The following TCTN3 variants were observed in gnomAD, a reference collection of about 807,000 sequenced individuals.
TCTN3 encodes tectonic-3.
In TCTN3, 57 loss-of-function variants were observed where a neutral mutation model predicts 71.3. That is an observed-to-expected ratio of 0.80 (90% CI 0.65 to 1.00). The LOEUF is 1.00. Among genes scored for constraint, TCTN3 ranks in the 50% least tolerant of loss-of-function variants. The probability of loss-of-function intolerance (pLI) is 0.00; values close to 1 mark genes in which losing one functional copy is unlikely to be tolerated. For missense variants in TCTN3, 696 were observed against 719.9 expected (o/e 0.97, Z 0.38); for synonymous variants, 258 against 267.8 (o/e 0.96, Z 0.36).
At chr10:95,665,931 A>G (rs1385508368) in intron 13 of TCTN3, among the ~76,000 whole-genome samples, 4 of 132,078 alleles carry the variant, frequency 3.0e-5, no homozygotes, top group East Asian at 4.4e-4. Context: ...CTTGCATTCA[A>G]ATTAATTCTG....
In TCTN3 at chr10:95,681,645, T is replaced by C. The variant is rs539182527; in HGVS notation, c.1452+1006A>G. On this transcript the variant is annotated intron_variant, in intron 12 of 13. Transcript: ENST00000371217. ...ATTAATTGCAAAATGCAGAAAGGCA[T>C]ATCATTCTATATGGTTTTGATTTTT... Among the ~76,000 whole-genome samples, 4 of 152,366 alleles carry C rather than the reference T, an allele frequency of 2.6e-5. No homozygotes were observed. The East Asian group carries it at 5.8e-4, about 22-fold the overall frequency.
At chr10:95,687,183 G>C (rs1050077181) in intron 5 of TCTN3, 24 bp from the exon 6 acceptor site, 2 of 1,612,064 alleles carry the variant, frequency 1.2e-6, no homozygotes. Flanking sequence ...AATTAAGAGA[G>C]TGGTAAATGA....
intron 11 of TCTN3, 31 bp downstream of exon 11, chr10:95,683,070 T>G: frequency 6.3e-7 from 1 of 1,582,508 alleles, no homozygotes; most frequent in South Asian, 1.1e-5. Context: ...TTCCCGAAAT[T>G]GCAGGAAATG....
intron 10 of TCTN3, 53 bp downstream of exon 10, chr10:95,683,469 T>C (rs1416028292): frequency 6.2e-7 from 1 of 1,613,970 alleles, no homozygotes; most frequent in Non-Finnish European, 8.5e-7. Context: ...TTGAAAGCCT[T>C]TGCAGCTTTT....
chr10:95,673,541 A>G (rs2097933791), intron 13 of TCTN3, among the ~76,000 whole-genome samples: 1 of 152,174 alleles, frequency 6.6e-6, no homozygotes, highest in Non-Finnish European at 1.5e-5. Flanking sequence ...CAATTGTTAA[A>G]AAAAAAGAAA....
Position 95,686,480 on chromosome 10 carries a change from A to G in TCTN3, c.888+15T>C. The stretch of plus-strand genomic sequence containing the variant: ...AATATTCTTTTTCTTTTTTCCTGGT[A>G]CAACAGCATCATACCTCCATATTCT... On this transcript the variant is annotated intron_variant, in intron 7 of 13. Coordinates refer to ENST00000371217, the MANE Select transcript of TCTN3 (RefSeq NM_015631.6). 4.3e-6 allele frequency: 7 copies of G among 1,613,604 alleles called. No individual in the cohort carries two copies. Among genetic ancestry groups the G allele is most frequent in the South Asian group, 1.1e-5 (1 of 90,966 alleles).
chr10:95,674,822 AGAAT>A lies in TCTN3; in HGVS notation c.1590+5646_1590+5649del, dbSNP rs10678463. Among the ~76,000 whole-genome samples the A allele has an allele frequency of 7.8e-3, 1,177 of 150,806 alleles. 12 individuals are homozygous for A. The highest frequency in any genetic ancestry group is 0.019 in the African/African-American group (772 of 41,054). On this transcript the variant is annotated intron_variant, in intron 13 of 13. Transcript: ENST00000371217. ...AGTGACAGAGCGAGACCCCATCTCT[AGAAT>A]GAATGAATGAATGAATGAATGAATG...
Position 95,685,575 on chromosome 10 carries a change from C to T in TCTN3, c.950G>A (p.Cys317Tyr), listed in dbSNP as rs1224958318. 6 of 1,551,272 alleles carry T rather than the reference C, an allele frequency of 3.9e-6. No homozygotes were observed. The highest frequency in any genetic ancestry group is 5.2e-6 in the Non-Finnish European group (6 of 1,146,826). ...CCCTACCTGAGAAACTACATTCTGA[C>T]AAGTGTTTCCAGCCAACAGAGGAGC... ...ANAPLLAGNT[C>Y]QNVVSQVTYE... The change falls in exon 8 of 14, where the codon TGT (cysteine) becomes TAT (tyrosine). Residue 317 changes from cysteine to tyrosine, a missense_variant. Cys to Tyr is a radical substitution (Grantham distance 194). Transcript: ENST00000371217.
intron 13 of TCTN3, among the ~76,000 whole-genome samples, chr10:95,667,807 G>T (rs2097927078): frequency 6.6e-6 from 1 of 152,174 alleles, no homozygotes; most frequent in Non-Finnish European, 1.5e-5. Context: ...AAGACATAAA[G>T]ATACTAACTG....
At chr10:95,664,933 T>G (rs573866805) in intron 13 of TCTN3, among the ~76,000 whole-genome samples, 2 of 152,192 alleles carry the variant, frequency 1.3e-5, no homozygotes, top group Non-Finnish European at 2.9e-5. Flanking sequence ...ACAAGCAAAC[T>G]TTTGATTATA....
intron 13 of TCTN3, among the ~76,000 whole-genome samples, chr10:95,676,705 TTTCTC>T (rs1164965488): frequency 6.6e-6 from 1 of 152,224 alleles, no homozygotes; most frequent in Non-Finnish European, 1.5e-5. Context: ...AATACCTGCT[TTTCTC>T]TTTTCTGTTT....
chr10:95,670,887 T>A (rs763301160), intron 13 of TCTN3, among the ~76,000 whole-genome samples: 5 of 151,844 alleles, frequency 3.3e-5, no homozygotes, highest in Non-Finnish European at 7.4e-5. Context: ...GGTCTCGAAT[T>A]CCTAGGCTCA....
intron 2 of TCTN3, 143 bp from the exon 3 acceptor site, chr10:95,693,181 G>C: frequency 8.0e-7 from 1 of 1,249,044 alleles, no homozygotes. Flanking sequence ...TATTCTACTG[G>C]CCAGCCCTGC....
chr10:95,668,615 T>A (rs1041348297), intron 13 of TCTN3, among the ~76,000 whole-genome samples: 19 of 150,778 alleles, frequency 1.3e-4, no homozygotes, highest in Non-Finnish European at 2.7e-4. Context: ...CAATGTGAAC[T>A]AAAGAAAAAA....
chr10:95,693,505 G>A, intron 1 of TCTN3, 29 bp from the exon 2 acceptor site: 3 of 1,551,982 alleles, frequency 1.9e-6, no homozygotes, highest in Non-Finnish European at 2.6e-6. Flanking sequence ...GAGTGAGTGG[G>A]ATGAAGATCC....
At chr10:95,683,398 A>G in intron 10 of TCTN3, 124 bp downstream of exon 10, 4 of 1,552,168 alleles carry the variant, frequency 2.6e-6, no homozygotes, top group Non-Finnish European at 3.5e-6. Context: ...ATATATTAGT[A>G]TATAAGTACC....
chr10:95,668,644 TC>T (rs113729469), intron 13 of TCTN3, among the ~76,000 whole-genome samples: 40,549 of 150,790 alleles, frequency 0.27, 6,238 homozygotes, highest in Admixed American at 0.38. Context: ...ACATGCATCT[TC>T]CCCCCCCAAA....
intron 13 of TCTN3, among the ~76,000 whole-genome samples, chr10:95,665,553 T>C (rs1046462862): frequency 6.6e-6 from 1 of 152,192 alleles, no homozygotes; most frequent in African/African-American, 2.4e-5. Flanking sequence ...AGTGCTGGGA[T>C]TACAGGTGTG....
At chr10:95,679,367 T>C (rs1446113959) in intron 13 of TCTN3, among the ~76,000 whole-genome samples, 2 of 152,146 alleles carry the variant, frequency 1.3e-5, no homozygotes, top group East Asian at 1.9e-4. Flanking sequence ...GTTGACCCCA[T>C]TTCTAGGCAA....
Sources: allele counts gnomAD v4.1 joint callset (sites outside exome capture counted in the v4.1 genomes callset), GRCh38; gene constraint gnomAD v4.1.1; transcripts MANE v1.5; gene names NCBI Gene and HGNC (gene_info 2026-07-23, HGNC 2026-07-21).